Variants in AGBL1 observed in about 807,000 individuals in gnomAD.
AGBL1 encodes cytosolic carboxypeptidase 4.
In AGBL1, 130 loss-of-function variants were observed where a neutral mutation model predicts 118.9. The ratio of observed to expected loss-of-function variants is 1.09; its 90% CI spans 0.95 to 1.26. The LOEUF is 1.26. Among genes scored for constraint, AGBL1 ranks in the 50% most tolerant of loss-of-function variants. AGBL1 has a pLI of 0.00. For synonymous variants in AGBL1, 555 were observed against 478.9 expected (o/e 1.16, Z -2.08); for missense variants, 1,584 against 1,298.1 (o/e 1.22, Z -3.38).
intron 22 of AGBL1, among the ~76,000 whole-genome samples, chr15:86,795,745 C>G (rs1456967847): frequency 6.6e-6 from 1 of 151,466 alleles, no homozygotes; most frequent in African/African-American, 2.4e-5. Flanking sequence ...CCACAACACC[C>G]AGCTAATTTT....
chr15:86,652,495 A>T (rs985062206), intron 21 of AGBL1, among the ~76,000 whole-genome samples: 3 of 152,082 alleles, frequency 2.0e-5, no homozygotes, highest in African/African-American at 7.2e-5. Flanking sequence ...GATCAATATT[A>T]ACACACCGAG....
intron 22 of AGBL1, among the ~76,000 whole-genome samples, chr15:86,711,675 A>G (rs977360897): frequency 1.3e-5 from 2 of 152,188 alleles, no homozygotes; most frequent in Non-Finnish European, 2.9e-5. Flanking sequence ...CCACTGGTTA[A>G]GTCCAGCCTA....
intron 22 of AGBL1, among the ~76,000 whole-genome samples, chr15:86,720,933 C>T (rs1172403627): frequency 1.3e-5 from 2 of 152,128 alleles, no homozygotes; most frequent in African/African-American, 2.4e-5. Flanking sequence ...CATACACCCT[C>T]CCAAGACTAA....
intron 5 of AGBL1, among the ~76,000 whole-genome samples, chr15:86,223,619 T>A (rs1262161194): frequency 6.6e-6 from 1 of 152,184 alleles, no homozygotes; most frequent in Admixed American, 6.5e-5. Flanking sequence ...AAGTAGTCCA[T>A]CCATGAAAGC....
At chr15:86,535,106 A>C (rs2346713) in intron 19 of AGBL1, among the ~76,000 whole-genome samples, 24,093 of 152,224 alleles carry the variant, frequency 0.16, 3,364 homozygotes, top group African/African-American at 0.37. Context: ...GCTCCCTTAA[A>C]TGAAGCTGAC....
At chr15:86,671,910 C>T (rs548982848) in intron 21 of AGBL1, among the ~76,000 whole-genome samples, 4 of 152,300 alleles carry the variant, frequency 2.6e-5, no homozygotes, top group South Asian at 2.1e-4. Flanking sequence ...AAACATACTC[C>T]TCAGTCTTTG....
At chr15:86,870,786 A>G (rs150502225) in intron 22 of AGBL1, among the ~76,000 whole-genome samples, 4 of 152,286 alleles carry the variant, frequency 2.6e-5, no homozygotes, top group Non-Finnish European at 5.9e-5. Flanking sequence ...TGCTGTCTAT[A>G]CTATAGGGGA....
intron 22 of AGBL1, among the ~76,000 whole-genome samples, chr15:86,904,959 A>G (rs761829144): frequency 2.0e-5 from 3 of 152,164 alleles, no homozygotes; most frequent in Non-Finnish European, 2.9e-5. Context: ...CTTATTGACA[A>G]TAACACTATA....
At chr15:86,877,945 T>G (rs2079834869) in intron 22 of AGBL1, among the ~76,000 whole-genome samples, 1 of 152,132 alleles carries the variant, frequency 6.6e-6, no homozygotes, top group Admixed American at 6.6e-5. Context: ...TAAAACGGAG[T>G]TACCCCCATC....
chr15:86,298,028 T>C (rs1013199932), intron 17 of AGBL1, among the ~76,000 whole-genome samples: 2 of 151,896 alleles, frequency 1.3e-5, no homozygotes, highest in Non-Finnish European at 2.9e-5. Context: ...CAACGAATTT[T>C]ATTTTCCTTT....
At chr15:86,254,306 G>C (rs1018153800) in intron 7 of AGBL1, among the ~76,000 whole-genome samples, 2 of 152,198 alleles carry the variant, frequency 1.3e-5, no homozygotes, top group African/African-American at 4.8e-5. Flanking sequence ...TTAGGAGAGA[G>C]GTTGTGTTAT....
At chr15:86,409,186 C>T (rs1285051999) in intron 18 of AGBL1, among the ~76,000 whole-genome samples, 8 of 152,000 alleles carry the variant, frequency 5.3e-5, no homozygotes, top group Admixed American at 3.9e-4. Flanking sequence ...GTGGAGAGAC[C>T]CATGAAGAAC....
chr15:86,953,558 A>G (rs758379657), intron 23 of AGBL1, among the ~76,000 whole-genome samples: 1 of 151,588 alleles, frequency 6.6e-6, no homozygotes, highest in Non-Finnish European at 1.5e-5. Context: ...GCCCAGCTCA[A>G]TTTTGTACCT....
chr15:86,396,441 AC>A lies in AGBL1; in HGVS notation c.2375-923del, dbSNP rs568815027. ...TAAAGACTGTTCATGTCAATACACTACCTGTAACTGGGCAGAGAGTGTTTTC... is the reference window on the plus strand; with the variant it reads ...TAAAGACTGTTCATGTCAATACACTACTGTAACTGGGCAGAGAGTGTTTTC... On this transcript the variant is annotated intron_variant, in intron 17 of 22. Coordinates refer to ENST00000614907, the MANE Select transcript of AGBL1 (RefSeq NM_001386094.1). 2.9e-3 allele frequency among the ~76,000 whole-genome samples: 441 copies of A among 152,122 alleles called. 1 individual carries two copies. Among genetic ancestry groups the A allele is most frequent in the Non-Finnish European group, 4.3e-3 (292 of 67,998 alleles).
chr15:86,519,488 A>G (rs2083160284), intron 18 of AGBL1, among the ~76,000 whole-genome samples: 1 of 152,208 alleles, frequency 6.6e-6, no homozygotes, highest in South Asian at 2.1e-4. Flanking sequence ...AGCTCTTCTG[A>G]CTGCATGAAT....
intron 21 of AGBL1, among the ~76,000 whole-genome samples, chr15:86,558,791 A>G (rs1055351874): frequency 2.0e-5 from 3 of 152,148 alleles, no homozygotes; most frequent in Admixed American, 6.5e-5. Flanking sequence ...AAAGCCCTCT[A>G]CTACAAAACT....
At chr15:86,943,991 C>T (rs1166207473) in intron 23 of AGBL1, among the ~76,000 whole-genome samples, 1 of 152,028 alleles carries the variant, frequency 6.6e-6, no homozygotes, top group East Asian at 1.9e-4. Flanking sequence ...CTTTCTCTGC[C>T]ACAGTATAAC....
At chr15:86,716,923 A>C (rs2086647811) in intron 22 of AGBL1, among the ~76,000 whole-genome samples, 1 of 152,224 alleles carries the variant, frequency 6.6e-6, no homozygotes, top group African/African-American at 2.4e-5. Context: ...ATTTGGGAGA[A>C]GTTGTTTTAT....
chr15:86,601,541 A>C (rs74025379), intron 21 of AGBL1, among the ~76,000 whole-genome samples: 2,201 of 152,280 alleles, frequency 0.014, 61 homozygotes, highest in African/African-American at 0.051. Context: ...TAAATGAATA[A>C]ACAGATAAAC....
Sources: allele counts gnomAD v4.1 joint callset (sites outside exome capture counted in the v4.1 genomes callset), GRCh38; gene constraint gnomAD v4.1.1; transcripts MANE v1.5; gene names NCBI Gene and HGNC (gene_info 2026-07-23, HGNC 2026-07-21).